Variants in ASTN2 observed in about 807,000 individuals in gnomAD.
ASTN2 encodes the protein astrotactin-2.
Under a neutral mutation model 139.8 loss-of-function variants are expected in ASTN2, and 54 were observed. The observed-to-expected ratio is 0.39, with a 90% CI of 0.31 to 0.48. ASTN2 has a LOEUF of 0.48. Ranked by LOEUF, ASTN2 falls within the 20% of genes least tolerant of loss-of-function variation. ASTN2 has a pLI of 0.95. For synonymous variants in ASTN2, 756 were observed against 719.5 expected (o/e 1.05, Z -0.81); for missense variants, 1,565 against 1,725.1 (o/e 0.91, Z 1.64).
At chr9:116,828,000 A>G (rs762252207) in intron 11 of ASTN2, among the ~76,000 whole-genome samples, 5 of 152,204 alleles carry the variant, frequency 3.3e-5, no homozygotes, top group Non-Finnish European at 5.9e-5. Context: ...TTTGCTTAAC[A>G]AAATACTAGC....
chr9:116,426,195 C>A, intron 22 of ASTN2, 107 bp from the exon 23 acceptor site: 2 of 1,374,676 alleles, frequency 1.5e-6, no homozygotes, highest in South Asian at 2.6e-5. Flanking sequence ...CCAACCATTT[C>A]CTATCTACTC....
At chr9:116,724,617 G>A (rs1429385275) in intron 16 of ASTN2, among the ~76,000 whole-genome samples, 2 of 152,138 alleles carry the variant, frequency 1.3e-5, no homozygotes, top group Non-Finnish European at 2.9e-5. Flanking sequence ...TAGTTTCCTC[G>A]ACTGCAAAAC....
intron 3 of ASTN2, among the ~76,000 whole-genome samples, 185 bp from the exon 4 acceptor site, chr9:117,141,663 T>A (rs1361061291): frequency 6.6e-6 from 1 of 152,226 alleles, no homozygotes; most frequent in Non-Finnish European, 1.5e-5. Flanking sequence ...GCAGTCTAAC[T>A]GCAGATGTAT....
chr9:116,783,267 TTCCTTCCTTC>T (rs1830269096), intron 13 of ASTN2, among the ~76,000 whole-genome samples: 1 of 24,176 alleles, frequency 4.1e-5, no homozygotes, highest in Non-Finnish European at 7.9e-5. Context: ...AAATCTTTCC[TTCCTTCCTTC>T]CTTCCTTCCT....
At chr9:117,168,751 G>T (rs930550210) in intron 3 of ASTN2, among the ~76,000 whole-genome samples, 1 of 152,044 alleles carries the variant, frequency 6.6e-6, no homozygotes, top group African/African-American at 2.4e-5. Flanking sequence ...AATATTTCTA[G>T]CCAACTGAAC....
At chr9:117,335,470 G>A (rs1439263684) in intron 1 of ASTN2, among the ~76,000 whole-genome samples, 3 of 152,152 alleles carry the variant, frequency 2.0e-5, no homozygotes, top group Non-Finnish European at 4.4e-5. Flanking sequence ...CTGGAACATA[G>A]AAAATGTATG....
At chr9:116,827,368 T>C (rs1206088805) in intron 11 of ASTN2, among the ~76,000 whole-genome samples, 4 of 145,308 alleles carry the variant, frequency 2.8e-5, no homozygotes, top group Non-Finnish European at 4.5e-5. Context: ...ACACCCAAAG[T>C]AAGCAGGAGA....
intron 20 of ASTN2, among the ~76,000 whole-genome samples, chr9:116,475,545 C>A (rs1848951147): frequency 6.6e-6 from 1 of 152,206 alleles, no homozygotes; most frequent in Non-Finnish European, 1.5e-5. Flanking sequence ...TCACAGTGAA[C>A]ACATCTGTGC....
chr9:117,380,498 G>A (rs1463616522), intron 1 of ASTN2, among the ~76,000 whole-genome samples: 11 of 151,700 alleles, frequency 7.3e-5, no homozygotes, highest in African/African-American at 1.2e-4. Context: ...CCAGCTACTC[G>A]GGAGGCTGAG....
chr9:116,767,151 T>TAC (rs774180121), intron 13 of ASTN2, among the ~76,000 whole-genome samples: 304 of 97,800 alleles, frequency 3.1e-3, no homozygotes, highest in African/African-American at 7.1e-3. Context: ...CAATCCTACA[T>TAC]ATACACACAC....
chr9:116,672,240 C>A (rs1376718902), intron 16 of ASTN2, among the ~76,000 whole-genome samples: 1 of 151,802 alleles, frequency 6.6e-6, no homozygotes, highest in African/African-American at 2.4e-5. Flanking sequence ...GTGGCATGAG[C>A]CTGTAGTCCC....
intron 2 of ASTN2, among the ~76,000 whole-genome samples, chr9:117,218,680 C>T (rs1414453609): frequency 6.6e-6 from 1 of 152,162 alleles, no homozygotes; most frequent in Non-Finnish European, 1.5e-5. Context: ...TACTTTCTGA[C>T]CTTGGCTTGC....
chr9:116,510,433 G>T (rs1008443797), intron 19 of ASTN2, among the ~76,000 whole-genome samples: 48 of 152,098 alleles, frequency 3.2e-4, no homozygotes, highest in Non-Finnish European at 5.9e-4. Flanking sequence ...AAATCAGGTA[G>T]CGTGATGCCT....
intron 11 of ASTN2, among the ~76,000 whole-genome samples, chr9:116,823,274 GT>G (rs1831538668): frequency 6.6e-6 from 1 of 152,208 alleles, no homozygotes; most frequent in Admixed American, 6.5e-5. Flanking sequence ...ACACAGTTTG[GT>G]GGTGACAGAG....
intron 3 of ASTN2, among the ~76,000 whole-genome samples, chr9:117,149,433 T>TTG (rs370253276): frequency 4.0e-5 from 6 of 150,782 alleles, no homozygotes; most frequent in African/African-American, 9.7e-5. Flanking sequence ...GTGTGTGTGT[T>TTG]TGTGTGTGTG....
intron 19 of ASTN2, among the ~76,000 whole-genome samples, chr9:116,530,092 G>A (rs1851258239): frequency 1.1e-5 from 1 of 93,314 alleles, no homozygotes; most frequent in Non-Finnish European, 2.1e-5. Flanking sequence ...TGGATAAAGT[G>A]TGATATATAT....
intron 6 of ASTN2, among the ~76,000 whole-genome samples, chr9:117,020,895 G>C (rs375735855): frequency 5.3e-5 from 8 of 151,748 alleles, no homozygotes; most frequent in Non-Finnish European, 1.2e-4. Flanking sequence ...GTTATCAAAC[G>C]GAAACAAAAG....
chr9:116,918,432 G>C (rs1834513068), intron 10 of ASTN2, among the ~76,000 whole-genome samples: 3 of 152,296 alleles, frequency 2.0e-5, no homozygotes, highest in Admixed American at 6.5e-5. Context: ...ATCCAGACTA[G>C]AAATGTAAAC....
At chr9:116,429,459 A>T (rs1483551353) in intron 22 of ASTN2, among the ~76,000 whole-genome samples, 1 of 151,272 alleles carries the variant, frequency 6.6e-6, no homozygotes, top group Non-Finnish European at 1.5e-5. Flanking sequence ...AAAGCTTCTT[A>T]TTCTTGGTTT....
Sources: allele counts gnomAD v4.1 joint callset (sites outside exome capture counted in the v4.1 genomes callset), GRCh38; gene constraint gnomAD v4.1.1; transcripts MANE v1.5; gene names NCBI Gene and HGNC (gene_info 2026-07-23, HGNC 2026-07-21).